The following TRIM48 variants were observed in gnomAD, a reference collection of about 807,000 sequenced individuals.
TRIM48 encodes tripartite motif containing 48, also known as E3 ubiquitin-protein ligase TRIM48.
Under a neutral mutation model 29.5 loss-of-function variants are expected in TRIM48, and 31 were observed. That is an observed-to-expected ratio of 1.05 (90% confidence interval 0.79 to 1.42). The LOEUF (loss-of-function observed/expected upper bound fraction) is 1.42. TRIM48 is among the 40% of genes most tolerant of loss of function. The pLI is 0.00. For synonymous variants in TRIM48, 128 were observed against 90.6 expected (o/e 1.41, Z -2.34); for missense variants, 344 against 265.0 (o/e 1.30, Z -2.07).
rs946571453 is a variant in TRIM48 at position 55,262,205 on chromosome 11, G to A, written c.-63G>A. On this transcript the variant is annotated 5_prime_UTR_variant, in exon 1 of 6. Coordinates refer to ENST00000417545, the MANE Select transcript of TRIM48 (RefSeq NM_024114.5). ...CACTTAGAGGGAGCTGTGTTTTGGT[G>A]ACCTCTGAAACTCAGTACTGCAGCG... 45 of 1,343,590 alleles carry A rather than the reference G, an allele frequency of 3.3e-5. No individual in the cohort carries two copies. In the Admixed American group the frequency reaches 8.3e-4, roughly 25 times the overall value. 83.2% of individuals were successfully genotyped at this position (1,343,590 alleles called of 1,614,324 possible).
At chr11:55,264,591 G>A (rs61894886) in intron 1 of TRIM48, among the ~76,000 whole-genome samples, 7,756 of 147,382 alleles carry the variant, frequency 0.053, 835 homozygotes, top group Non-Finnish European at 0.068. Context: ...TTTATTCTAG[G>A]CTACTTAGAA....
In TRIM48 at chr11:55,266,687, G is replaced by A. The variant is rs1857398776; in HGVS notation, c.555+992G>A. Among the ~76,000 whole-genome samples, 3 of 147,570 alleles carry A rather than the reference G, an allele frequency of 2.0e-5. 1 individual carries two copies. Among genetic ancestry groups the A allele is most frequent in the East Asian group, 4.3e-4 (2 of 4,634 alleles). ...AAAGACTCACTGAAAAATTCAAATTGAACAAAGTTTCAAAGAGGAAGGGGA... is the reference window on the plus strand; with the variant it reads ...AAAGACTCACTGAAAAATTCAAATTAAACAAAGTTTCAAAGAGGAAGGGGA... On this transcript the variant is annotated intron_variant, in intron 3 of 5. Coordinates refer to ENST00000417545, the MANE Select transcript of TRIM48 (RefSeq NM_024114.5).
rs1328759382 is a variant in TRIM48 at position 55,271,027 on chromosome 11, T to C, written c.*592T>C. 2.8e-6 allele frequency: 4 copies of C among 1,428,540 alleles called. No homozygotes were observed. The highest frequency in any genetic ancestry group is 2.3e-5 in the Admixed American group (1 of 44,298). The allele number at this position is 1,428,540 out of a possible 1,614,324, so 88.5% of individuals were successfully genotyped here. ...CTTGTGCCTTATCAAACAGGACAAA[T>C]AGGTTCGGTTTTATGTCTTGAATTG... On this transcript the variant is annotated 3_prime_UTR_variant, in exon 6 of 6. Transcript: ENST00000417545.
Position 55,270,474 on chromosome 11 carries a change from T to C in TRIM48, c.*39T>C, listed in dbSNP as rs1857465576. On this transcript the variant is annotated 3_prime_UTR_variant, in exon 6 of 6. Transcript: ENST00000417545. The stretch of plus-strand genomic sequence containing the variant: ...TGCATCACAATGAAGCCAACAGTCA[T>C]ATCTTCCGATGTGGAGATTTGAGAA... The C allele has an allele frequency of 2.6e-6, 4 of 1,554,736 alleles. No individual in the cohort carries two copies. The Admixed American group carries it at 5.3e-5, about 20-fold the overall frequency.
At chr11:55,268,474 TA>T in intron 4 of TRIM48, 102 bp downstream of exon 4, 2 of 1,207,186 alleles carry the variant, frequency 1.7e-6, no homozygotes, top group Non-Finnish European at 2.3e-6. Flanking sequence ...ATATTGATAC[TA>T]TTTTTTTTTG....
At chr11:55,268,513 A>G in intron 4 of TRIM48, 141 bp downstream of exon 4, 1 of 783,182 alleles carries the variant, frequency 1.3e-6, no homozygotes, top group Non-Finnish European at 2.0e-6. Flanking sequence ...ACACCAGAAA[A>G]GACAAGACCA....
chr11:55,264,451 G>T (rs1371902330), intron 1 of TRIM48, among the ~76,000 whole-genome samples: 3 of 148,020 alleles, frequency 2.0e-5, no homozygotes, highest in Non-Finnish European at 4.5e-5. Context: ...CCCCACTGTT[G>T]TGTCTCTCTC....
At position 55,270,908 on chromosome 11, in the gene TRIM48, G is replaced by T. The variant is rs1271091275; in HGVS notation, c.*473G>T. On this transcript the variant is annotated 3_prime_UTR_variant, in exon 6 of 6. Coordinates refer to ENST00000417545, the MANE Select transcript of TRIM48 (RefSeq NM_024114.5). ...AATTGCTCCTTCTCACTTCCTCTCA[G>T]ACCTATCTTTTTCTGTATTCTCCTC... is the stretch of plus-strand genomic sequence containing the variant. The T allele has an allele frequency of 1.7e-5, 26 of 1,557,338 alleles. 2 individuals are homozygous for T. The highest frequency in any genetic ancestry group is 2.8e-5 in the African/African-American group (2 of 72,690).
At chr11:55,269,136 A>C (rs1857437280) in intron 4 of TRIM48, 106 bp from the exon 5 acceptor site, 1 of 1,427,498 alleles carries the variant, frequency 7.0e-7, no homozygotes, top group African/African-American at 1.4e-5. Flanking sequence ...TGAATTATCA[A>C]ATTTGTGGGT....
chr11:55,268,892 C>G (rs1437719859), intron 4 of TRIM48, among the ~76,000 whole-genome samples: 3 of 147,938 alleles, frequency 2.0e-5, no homozygotes, highest in African/African-American at 7.4e-5. Flanking sequence ...GCAGATGCAG[C>G]AGTCTCCCCA....
At position 55,267,534 on chromosome 11, in the gene TRIM48, T is replaced by G. The variant is rs1385238125; in HGVS notation, c.556-816T>G. On this transcript the variant is annotated intron_variant, in intron 3 of 5. Transcript: ENST00000417545. ...AAGGGAAAAGATATTTTTCATCAAC[T>G]TCATTTAAGTAAAGCCAAAATGGCT... 8.9e-6 allele frequency: 14 copies of G among 1,576,256 alleles called. 2 individuals carry two copies. Among genetic ancestry groups the G allele is most frequent in the Non-Finnish European group, 1.2e-5 (14 of 1,161,298 alleles).
Position 55,264,979 on chromosome 11 carries a change from G to T in TRIM48, c.124G>T (p.Val42Phe), listed in dbSNP as rs1305654854. The T allele has an allele frequency of 1.9e-6, 3 of 1,584,344 alleles. No individual in the cohort carries two copies. The highest frequency in any genetic ancestry group is 3.4e-5 in the Admixed American group (2 of 58,500). ...PICMNYFIDP[V>F]TIDCGHSFCR... ...CTGCATGAACTACTTCATAGACCCG[G>T]TCACCATAGACTGTGGGCACAGCTT... The change falls in exon 2 of 6, where the codon GTC becomes TTC. Residue 42 changes from valine to phenylalanine, a missense_variant. Coordinates refer to ENST00000417545, the MANE Select transcript of TRIM48 (RefSeq NM_024114.5).
Position 55,269,189 on chromosome 11 carries a change from T to C in TRIM48, c.579-53T>C. Reference sequence around the variant, plus strand: ...AATGTCTTTTAAACACAAGTAGTGATTTTTATTTATTTTATGGCTGTAGAT... The same window carrying C: ...AATGTCTTTTAAACACAAGTAGTGACTTTTATTTATTTTATGGCTGTAGAT... On this transcript the variant is annotated intron_variant, in intron 4 of 5. Transcript: ENST00000417545. 4 of 1,550,390 alleles carry C rather than the reference T, an allele frequency of 2.6e-6. 1 individual carries two copies. The highest frequency in any genetic ancestry group is 4.9e-5 in the East Asian group (2 of 40,650).
chr11:55,268,196 G>A lies in TRIM48; in HGVS notation c.556-154G>A, dbSNP rs970238459. Among the ~76,000 whole-genome samples the A allele has an allele frequency of 8.1e-5, 12 of 147,592 alleles. 1 individual carries two copies. The highest frequency in any genetic ancestry group is 4.8e-4 in the Admixed American group (7 of 14,550). On this transcript the variant is annotated intron_variant, in intron 3 of 5. Transcript: ENST00000417545. ...AATTAGTGACAATATGATTGACTGG[G>A]TTTTTCATTACAGAAGAAATAGAAA...
In TRIM48 at chr11:55,270,628, T is replaced by A; in HGVS notation, c.*193T>A. 1 of 1,582,346 alleles carries A rather than the reference T, an allele frequency of 6.3e-7. No individual in the cohort carries two copies. Among genetic ancestry groups the A allele is most frequent in the Non-Finnish European group, 8.6e-7 (1 of 1,164,836 alleles). On this transcript the variant is annotated 3_prime_UTR_variant, in exon 6 of 6. Transcript: ENST00000417545. ...CTGGGAGGTCCATGTGGGGGACTCT[T>A]GGAATTGGGCTTTTGGTGTCTGTAA...
chr11:55,263,138 A>G (rs190241974), intron 1 of TRIM48, among the ~76,000 whole-genome samples: 3 of 152,304 alleles, frequency 2.0e-5, no homozygotes, highest in Admixed American at 1.3e-4. Context: ...CATGGTGGTC[A>G]CATAAGATTA....
rs111236245 is a variant in TRIM48 at position 55,265,405 on chromosome 11, G to T, written c.459+91G>T. 76 of 1,550,834 alleles carry T rather than the reference G, an allele frequency of 4.9e-5. 11 individuals carry two copies. The highest frequency in any genetic ancestry group is 4.8e-4 in the Admixed American group (26 of 54,012). Reference sequence around the variant, plus strand: ...TTGGAGATTGGGTAAAGCCAACTCTGAGTCCCTTTAAGCAACTCTCTTTTG... The same window carrying T: ...TTGGAGATTGGGTAAAGCCAACTCTTAGTCCCTTTAAGCAACTCTCTTTTG... On this transcript the variant is annotated intron_variant, in intron 2 of 5. Coordinates refer to ENST00000417545, the MANE Select transcript of TRIM48 (RefSeq NM_024114.5).
chr11:55,262,574 G>A (rs1336518445), intron 1 of TRIM48, among the ~76,000 whole-genome samples: 1 of 151,990 alleles, frequency 6.6e-6, no homozygotes, highest in Non-Finnish European at 1.5e-5. Flanking sequence ...ATATGGAGTT[G>A]ATATTTATAC....
rs372869138 is a variant in TRIM48, at chr11:55,265,229, G to A, written c.374G>A (p.Ser125Asn). 3.7e-5 allele frequency: 59 copies of A among 1,582,576 alleles called. 6 individuals carry two copies. Among genetic ancestry groups the A allele is most frequent in the Admixed American group, 1.0e-4 (6 of 58,528 alleles). The part of the protein sequence containing the change: ...TKKMFCEVDR[S>N]LLCLLCSSSQ... The stretch of plus-strand genomic sequence containing the variant: ...AAGATGTTCTGTGAAGTGGACAGGA[G>A]CCTGCTCTGTTTGCTGTGCTCCAGC... Residue 125 changes from serine to asparagine, a missense_variant, in exon 2 of 6, where the codon AGC (serine) becomes AAC (asparagine). By Grantham distance (46) the Ser-to-Asn change is conservative (BLOSUM62 1). Coordinates refer to ENST00000417545, the MANE Select transcript of TRIM48 (RefSeq NM_024114.5).
Sources: gnomAD v4.1 joint callset for allele counts (sites outside exome capture counted in the v4.1 genomes callset) on GRCh38, gnomAD v4.1.1 for gene constraint, MANE v1.5 for transcripts, NCBI Gene and HGNC (gene_info 2026-07-23, HGNC 2026-07-21) for gene names.